GALM: variants seen among roughly 807,000 people sequenced by gnomAD.
The protein encoded by GALM is galactose mutarotase.
In GALM, 43 loss-of-function variants were observed where a neutral mutation model predicts 37.4. That is an observed-to-expected ratio of 1.15 (90% CI 0.90 to 1.48). The LOEUF (loss-of-function observed/expected upper bound fraction) is 1.48. Ranked by LOEUF, GALM falls within the 40% of genes most tolerant of loss-of-function variation. GALM has a pLI of 0.00. For synonymous variants in GALM, 199 were observed against 170.6 expected (o/e 1.17, Z -1.30); for missense variants, 456 against 419.1 (o/e 1.09, Z -0.77).
At chr2:38,705,340 G>A (rs1263216581) in intron 4 of GALM, among the ~76,000 whole-genome samples, 1 of 152,190 alleles carries the variant, frequency 6.6e-6, no homozygotes, top group East Asian at 1.9e-4. Context: ...ATTCAGTTCA[G>A]CTAACATTTA....
At chr2:38,732,916 C>CT (rs1294681128) in intron 6 of GALM, among the ~76,000 whole-genome samples, 3 of 126,668 alleles carry the variant, frequency 2.4e-5, no homozygotes, top group African/African-American at 1.0e-4. Flanking sequence ...GAGACCCTGT[C>CT]TTTAAAAAAA....
chr2:38,669,557 C>T (rs888778171), intron 1 of GALM: 2 of 152,154 alleles, frequency 1.3e-5, no homozygotes, highest in Non-Finnish European at 2.9e-5. Flanking sequence ...ATCAGTAATG[C>T]CTCCTATGAG....
intron 4 of GALM, among the ~76,000 whole-genome samples, chr2:38,703,054 T>TATATATATA (rs1665951434): frequency 1.1e-3 from 15 of 13,954 alleles, no homozygotes; most frequent in African/African-American, 2.8e-3. Flanking sequence ...ATGTGGGATT[T>TATATATATA]TATATATATA....
chr2:38,728,494 G>C (rs974059622), intron 4 of GALM, among the ~76,000 whole-genome samples: 2 of 151,610 alleles, frequency 1.3e-5, no homozygotes, highest in African/African-American at 4.9e-5. Flanking sequence ...AGGAGTTCAC[G>C]ACCAGCCTGG....
At chr2:38,714,999 C>T (rs1666241011) in intron 4 of GALM, among the ~76,000 whole-genome samples, 1 of 152,006 alleles carries the variant, frequency 6.6e-6, no homozygotes. Context: ...GATTTTTTTC[C>T]TTTAGCTCTA....
intron 4 of GALM, among the ~76,000 whole-genome samples, chr2:38,699,635 T>C (rs1170891750): frequency 6.6e-6 from 1 of 152,084 alleles, no homozygotes; most frequent in Non-Finnish European, 1.5e-5. Context: ...CTGGACAACA[T>C]AGCAAGAACC....
intron 4 of GALM, chr2:38,698,507 G>T: frequency 2.7e-6 from 2 of 728,146 alleles, no homozygotes; most frequent in Non-Finnish European, 1.9e-6. Flanking sequence ...ATTATTCTTA[G>T]CTACTTAAAA....
chr2:38,722,050 C>CCA (rs1553384735), intron 4 of GALM, among the ~76,000 whole-genome samples: 1 of 122,212 alleles, frequency 8.2e-6, no homozygotes, highest in African/African-American at 2.9e-5. Context: ...ACCCCCCCCC[C>CCA]CCACCTAGAA....
chr2:38,711,817 ATC>A, intron 4 of GALM, among the ~76,000 whole-genome samples: 1 of 1,776 alleles, frequency 5.6e-4, no homozygotes, highest in Non-Finnish European at 1.4e-3. Context: ...CATCATCATC[ATC>A]ACTATCACCA....
chr2:38,697,689 T>C (rs1044228068), intron 4 of GALM, among the ~76,000 whole-genome samples: 3 of 152,106 alleles, frequency 2.0e-5, no homozygotes, highest in Non-Finnish European at 2.9e-5. Flanking sequence ...CCTGTAGGTG[T>C]TTGGGGAGGA....
chr2:38,724,545 T>G (rs1666447244), intron 4 of GALM, among the ~76,000 whole-genome samples: 1 of 152,298 alleles, frequency 6.6e-6, no homozygotes, highest in African/African-American at 2.4e-5. Context: ...TTCCACATTT[T>G]CCATATACTT....
chr2:38,679,693 G>A (rs1028651019), intron 2 of GALM, among the ~76,000 whole-genome samples: 1 of 152,194 alleles, frequency 6.6e-6, no homozygotes, highest in African/African-American at 2.4e-5. Flanking sequence ...TGATAGTATA[G>A]AGTAAGGGAA....
At chr2:38,678,240 C>T (rs372571762) in intron 2 of GALM, among the ~76,000 whole-genome samples, 13 of 152,016 alleles carry the variant, frequency 8.6e-5, no homozygotes, top group African/African-American at 2.9e-4. Flanking sequence ...AAACTCCCGA[C>T]CTCAGGTGAT....
chr2:38,722,151 G>A (rs1666394733), intron 4 of GALM, among the ~76,000 whole-genome samples: 1 of 150,376 alleles, frequency 6.6e-6, no homozygotes, highest in African/African-American at 2.4e-5. Flanking sequence ...CTTGAGGTCA[G>A]GAGTTCGAGA....
intron 5 of GALM, among the ~76,000 whole-genome samples, 194 bp downstream of exon 5, chr2:38,729,891 C>G (rs1253216639): frequency 3.9e-5 from 6 of 152,124 alleles, no homozygotes; most frequent in African/African-American, 1.4e-4. Flanking sequence ...CCCCACCTGC[C>G]ATTACCCCTA....
chr2:38,698,038 G>A (rs1665846379), intron 4 of GALM, among the ~76,000 whole-genome samples: 1 of 151,862 alleles, frequency 6.6e-6, no homozygotes, highest in Non-Finnish European at 1.5e-5. Context: ...CCGCCTTCCG[G>A]GTTCAAATGA....
intron 2 of GALM, chr2:38,679,945 A>T: frequency 2.4e-6 from 1 of 424,386 alleles, no homozygotes; most frequent in Non-Finnish European, 4.7e-6. Flanking sequence ...CCTCTAGGAC[A>T]AAGTTGAGAA....
chr2:38,712,275 G>A (rs138912373), intron 4 of GALM, among the ~76,000 whole-genome samples: 76 of 152,278 alleles, frequency 5.0e-4, no homozygotes, highest in African/African-American at 1.7e-3. Flanking sequence ...GAGGCCATGT[G>A]GCAATTCCCT....
At chr2:38,697,267 G>A (rs759846140) in intron 4 of GALM, among the ~76,000 whole-genome samples, 13 of 152,122 alleles carry the variant, frequency 8.5e-5, no homozygotes, top group Admixed American at 6.6e-4. Flanking sequence ...GTTTGTCGCA[G>A]GTGCTTGATG....
Sources: allele counts gnomAD v4.1 joint callset (sites outside exome capture counted in the v4.1 genomes callset), GRCh38; gene constraint gnomAD v4.1.1; transcripts MANE v1.5; gene names NCBI Gene and HGNC (gene_info 2026-07-23, HGNC 2026-07-21).